CCN2: variants seen among roughly 807,000 people sequenced by gnomAD.
CCN2 encodes the protein cellular communication network factor 2.
Under a neutral mutation model 33.2 loss-of-function variants are expected in CCN2, and 22 were observed. The observed-to-expected ratio is 0.66, with a 90% confidence interval of 0.47 to 0.95. The LOEUF is 0.95. Among genes scored for constraint, CCN2 ranks in the 40% least tolerant of loss-of-function variants. The pLI, the probability that CCN2 is intolerant of heterozygous loss-of-function variation, is 0.00. For synonymous variants in CCN2, 178 were observed against 200.6 expected (o/e 0.89, Z 0.95); for missense variants, 469 against 498.8 (o/e 0.94, Z 0.57).
Position 131,949,238 on chromosome 6 carries a change from G to A in CCN2, c.*26C>T, listed in dbSNP as rs760277592. 2 of 1,590,692 alleles carry A rather than the reference G, an allele frequency of 1.3e-6. No individual in the cohort carries two copies. Among genetic ancestry groups the A allele is most frequent in the Non-Finnish European group, 8.6e-7 (1 of 1,159,754 alleles). On this transcript the variant is annotated 3_prime_UTR_variant, in exon 5 of 5. Coordinates refer to ENST00000367976, the MANE Select transcript of CCN2 (RefSeq NM_001901.4). ...GAATCAGTTCAAGTTCCAGTCTAAT[G>A]AGTTAATGTCTCTCACTCTCTGGCT...
At position 131,948,591 on chromosome 6, in the gene CCN2, A is replaced by C. The variant is rs559237638; in HGVS notation, c.*673T>G. 1 of 152,678 alleles carries C rather than the reference A, an allele frequency of 6.5e-6. No individual in the cohort carries two copies. The highest frequency in any genetic ancestry group is 1.9e-4 in the East Asian group (1 of 5,180). 9.5% of individuals were successfully genotyped at this position (152,678 alleles called of 1,614,324 possible). A position where few individuals can be genotyped will look rare whatever the true frequency, so the allele number is the denominator to read the frequency against. ...CAAAGCATTAAAAACAAAAATAAAA[A>C]GGCACAAACAACTTTAAATTAACTT... On this transcript the variant is annotated 3_prime_UTR_variant, in exon 5 of 5. Coordinates refer to ENST00000367976, the MANE Select transcript of CCN2 (RefSeq NM_001901.4).
At chr6:131,951,042 TC>T in intron 1 of CCN2, 50 bp from the exon 2 acceptor site, 1 of 1,259,202 alleles carries the variant, frequency 7.9e-7, no homozygotes, top group Non-Finnish European at 9.9e-7. Flanking sequence ...GCGCACGCCC[TC>T]CCCGGCCGGC....
In CCN2 at chr6:131,949,346, C is replaced by T. The variant is rs1410630702; in HGVS notation, c.968G>A (p.Cys323Tyr). The T allele has an allele frequency of 6.2e-7, 1 of 1,614,188 alleles. No homozygotes were observed. Among genetic ancestry groups the T allele is most frequent in the East Asian group, 2.2e-5 (1 of 44,882 alleles). Residue 323 changes from cysteine to tyrosine, a missense_variant, in exon 5 of 5, where the codon TGT (cysteine) becomes TAT (tyrosine). Physicochemically the swap from Cys to Tyr is radical, Grantham distance 194 (BLOSUM62 -2). Coordinates refer to ENST00000367976, the MANE Select transcript of CCN2 (RefSeq NM_001901.4). The stretch of plus-strand genomic sequence containing the variant: ...TCCGGGACAGTTGTAATGGCAGGCA[C>T]AGGTCTTGATGAACATCATGTTCTT... Reference protein sequence around the residue: ...MKKNMMFIKTCACHYNCPGDN... With the variant: ...MKKNMMFIKTYACHYNCPGDN...
rs368503834 is a variant in CCN2, at chr6:131,949,239, A to G, written c.*25T>C. On this transcript the variant is annotated 3_prime_UTR_variant, in exon 5 of 5. Transcript: ENST00000367976. ...AATCAGTTCAAGTTCCAGTCTAATG[A>G]GTTAATGTCTCTCACTCTCTGGCTT... 187 of 1,592,670 alleles carry G rather than the reference A, an allele frequency of 1.2e-4. No homozygotes were observed. Among genetic ancestry groups the G allele is most frequent in the Non-Finnish European group, 1.5e-4 (180 of 1,161,632 alleles).
chr6:131,950,695 T>C lies in CCN2; in HGVS notation c.289+75A>G. On this transcript the variant is annotated intron_variant, in intron 2 of 4. Transcript: ENST00000367976. This position sits in a 1 kb window ranked among gnomAD's most constrained non-coding sequence, Gnocchi z 7.1. ...GAGAAAGAAACTCAGTCCGAGCGGTTTCTTTTTCCAGCGGGCGGGTGGGCG... is the reference window on the plus strand; with the variant it reads ...GAGAAAGAAACTCAGTCCGAGCGGTCTCTTTTTCCAGCGGGCGGGTGGGCG... The C allele has an allele frequency of 6.7e-7, 1 of 1,485,112 alleles. No homozygotes were observed. Among genetic ancestry groups the C allele is most frequent in the Non-Finnish European group, 9.0e-7 (1 of 1,108,994 alleles). 92.0% of individuals were successfully genotyped at this position (1,485,112 alleles called of 1,614,324 possible). A position where few individuals can be genotyped will look rare whatever the true frequency, so the allele number is the denominator to read the frequency against.
Position 131,951,322 on chromosome 6 carries a change from A to G in CCN2, c.-150T>C. ...GCCGGGGCGGCTGCCGTCGAGCTGG[A>G]GGGTGGAGTCGCACTGGCTGTCTCC... On this transcript the variant is annotated 5_prime_UTR_variant, in exon 1 of 5. Coordinates refer to ENST00000367976, the MANE Select transcript of CCN2 (RefSeq NM_001901.4). 1 of 578,406 alleles carries G rather than the reference A, an allele frequency of 1.7e-6. No individual in the cohort carries two copies. Among genetic ancestry groups the G allele is most frequent in the Non-Finnish European group, 2.5e-6 (1 of 397,910 alleles). The allele number at this position is 578,406 out of a possible 1,614,324, so 35.8% of individuals were successfully genotyped here.
At position 131,950,375 on chromosome 6, in the gene CCN2, C is replaced by T. The variant is rs756468635; in HGVS notation, c.458G>A (p.Arg153Lys). The change falls in exon 3 of 5, where the codon AGG (arginine) becomes AAG (lysine). Residue 153 changes from arginine to lysine, a missense_variant. By Grantham distance (26) the Arg-to-Lys change is conservative. Coordinates refer to ENST00000367976, the MANE Select transcript of CCN2 (RefSeq NM_001901.4). This position sits in a 1 kb window ranked among gnomAD's most constrained non-coding sequence, Gnocchi z 7.1. ...GCAGCATTTCCCGGGCAGCTTGACC[C>T]TCCTCGGGAAGGGGCAGTCAGGGCT... The part of the protein sequence containing the change: ...LPSPDCPFPR[R>K]VKLPGKCCEE... 9 of 1,614,142 alleles carry T rather than the reference C, an allele frequency of 5.6e-6. 1 individual carries two copies. The South Asian group carries it at 9.9e-5, about 18-fold the overall frequency.
In CCN2 at chr6:131,949,290, T is replaced by A; in HGVS notation, c.1024A>T (p.Arg342Trp). Residue 342 changes from arginine (R) to tryptophan (W), a missense_variant, in exon 5 of 5, where the codon AGG (arginine) becomes TGG (tryptophan). Coordinates refer to ENST00000367976, the MANE Select transcript of CCN2 (RefSeq NM_001901.4). Reference protein sequence around the residue: ...DNDIFESLYYRKMYGDMA With the variant: ...DNDIFESLYYWKMYGDMA ...CATGCCATGTCTCCGTACATCTTCC[T>A]GTAGTACAGCGATTCAAAGATGTCA... is the stretch of plus-strand genomic sequence containing the variant. 1 of 1,614,168 alleles carries A rather than the reference T, an allele frequency of 6.2e-7. No individual in the cohort carries two copies. Among genetic ancestry groups the A allele is most frequent in the Non-Finnish European group, 8.5e-7 (1 of 1,180,006 alleles).
Position 131,951,045 on chromosome 6 carries a change from C to T in CCN2, c.67-53G>A, listed in dbSNP as rs1018849685. The T allele has an allele frequency of 1.0e-5, 13 of 1,261,026 alleles. No individual in the cohort carries two copies. In the African/African-American group the frequency reaches 1.4e-4, roughly 14 times the overall value. The allele number at this position is 1,261,026 out of a possible 1,614,324, so 78.1% of individuals were successfully genotyped here. A position where few individuals can be genotyped will look rare whatever the true frequency, so the allele number is the denominator to read the frequency against. On this transcript the variant is annotated intron_variant, in intron 1 of 4. Coordinates refer to ENST00000367976, the MANE Select transcript of CCN2 (RefSeq NM_001901.4). ...CGCTCGGTCGGCGCGCACGCCCTCC[C>T]CGGCCGGCCCCGAGTCCCTCCCTGG...
At chr6:131,949,765 G>A (rs183773569) in intron 4 of CCN2, among the ~76,000 whole-genome samples, 184 bp downstream of exon 4, 4 of 152,290 alleles carry the variant, frequency 2.6e-5, no homozygotes, top group Non-Finnish European at 5.9e-5. Flanking sequence ...TAACCCTGTG[G>A]AAGATTTCGT....
Position 131,950,091 on chromosome 6 carries a change from G to A in CCN2, c.611C>T (p.Thr204Ile). 1 of 1,614,258 alleles carries A rather than the reference G, an allele frequency of 6.2e-7. No individual in the cohort carries two copies. The highest frequency in any genetic ancestry group is 8.5e-7 in the Non-Finnish European group (1 of 1,180,050). ...GGTCTTGGAACAGGCGCTCCACTCT[G>A]TGGTCTGGACCAGGCAGTTGGCTCT... ...MIRANCLVQT[T>I]EWSACSKTCG... Residue 204 changes from threonine (T) to isoleucine (I), a missense_variant, in exon 4 of 5, where the codon ACA (threonine) becomes ATA (isoleucine). Thr to Ile is a moderately conservative substitution (Grantham distance 89, BLOSUM62 -1). Transcript: ENST00000367976. This position sits in a 1 kb window ranked among gnomAD's most constrained non-coding sequence, Gnocchi z 7.1.
Position 131,950,111 on chromosome 6 carries a change from G to A in CCN2, c.591C>T (p.Ala197=). The A allele has an allele frequency of 2.5e-6, 4 of 1,614,236 alleles. No homozygotes were observed. In the South Asian group the frequency reaches 4.4e-5, roughly 18 times the overall value. ...TFGPDPTMIR[A]NCLVQTTEWS... Reference sequence around the variant, plus strand: ...ACTCTGTGGTCTGGACCAGGCAGTTGGCTCTAATCATAGTTGGGTCTGGGC... The same window carrying A: ...ACTCTGTGGTCTGGACCAGGCAGTTAGCTCTAATCATAGTTGGGTCTGGGC... Residue 197 remains alanine (A), a synonymous_variant, in exon 4 of 5, where the codon GCC becomes GCT. Transcript: ENST00000367976. The surrounding 1 kb of genome is among the most constrained non-coding windows in gnomAD (Gnocchi z 7.1).
intron 4 of CCN2, 42 bp downstream of exon 4, chr6:131,949,907 G>T: frequency 6.3e-7 from 1 of 1,593,542 alleles, no homozygotes; most frequent in Non-Finnish European, 8.6e-7. Flanking sequence ...CCTATCCACT[G>T]TTTTTCCTGT....
At position 131,950,935 on chromosome 6, in the gene CCN2, G is replaced by A. The variant is rs13212409; in HGVS notation, c.124C>T (p.Arg42Cys). The A allele has an allele frequency of 7.0e-7, 1 of 1,434,734 alleles. No homozygotes were observed. Among genetic ancestry groups the A allele is most frequent in the Non-Finnish European group, 9.0e-7 (1 of 1,105,088 alleles). 88.9% of individuals were successfully genotyped at this position (1,434,734 alleles called of 1,614,324 possible). Residue 42 changes from arginine to cysteine, a missense_variant, in exon 2 of 5, where the codon CGC becomes TGC. Coordinates refer to ENST00000367976, the MANE Select transcript of CCN2 (RefSeq NM_001901.4). The surrounding 1 kb of genome is among the most constrained non-coding windows in gnomAD (Gnocchi z 7.1). ...PCRCPDEPAP[R>C]CPAGVSLVLD... is the part of the protein sequence containing the mutation. ...ACGAGGCTCACGCCCGCCGGGCAGC[G>A]CGGCGCCGGCTCGTCCGGGCACCGG...
chr6:131,950,158 A>C lies in CCN2; in HGVS notation c.544T>G (p.Tyr182Asp). The change falls in exon 4 of 5, where the codon TAC becomes GAC. Residue 182 changes from tyrosine (Y) to aspartate (D), a missense_variant and splice_region_variant. Tyr to Asp is a radical substitution (Grantham distance 160, BLOSUM62 -3). Transcript: ENST00000367976. This position sits in a 1 kb window ranked among gnomAD's most constrained non-coding sequence, Gnocchi z 7.1. ...GGGCCAAACGTGTCTTCCAGTCGGT[A>C]AGCTGCGAGAGCAGAGCACACAAAC... is the stretch of plus-strand genomic sequence containing the variant. ...QTVVGPALAA[Y>D]RLEDTFGPDP... The C allele has an allele frequency of 6.2e-7, 1 of 1,614,234 alleles. No homozygotes were observed. Among genetic ancestry groups the C allele is most frequent in the Non-Finnish European group, 8.5e-7 (1 of 1,180,046 alleles).
Position 131,951,325 on chromosome 6 carries a change from G to C in CCN2, c.-153C>G. ...GGGGCGGCTGCCGTCGAGCTGGAGG[G>C]TGGAGTCGCACTGGCTGTCTCCTCT... is the stretch of plus-strand genomic sequence containing the variant. On this transcript the variant is annotated 5_prime_UTR_variant, in exon 1 of 5. Coordinates refer to ENST00000367976, the MANE Select transcript of CCN2 (RefSeq NM_001901.4). 3.6e-6 allele frequency: 2 copies of C among 558,636 alleles called. No individual in the cohort carries two copies. Among genetic ancestry groups the C allele is most frequent in the Non-Finnish European group, 5.3e-6 (2 of 379,286 alleles). The allele number at this position is 558,636 out of a possible 1,614,324, so 34.6% of individuals were successfully genotyped here.
Position 131,949,990 on chromosome 6 carries a change from T to G in CCN2, c.712A>C (p.Met238Leu). 1.2e-6 allele frequency: 2 copies of G among 1,614,234 alleles called. No individual in the cohort carries two copies. The highest frequency in any genetic ancestry group is 1.7e-6 in the Non-Finnish European group (2 of 1,180,032). The change falls in exon 4 of 5, where the codon ATG becomes CTG. Residue 238 changes from methionine (M) to leucine (L), a missense_variant. Coordinates refer to ENST00000367976, the MANE Select transcript of CCN2 (RefSeq NM_001901.4). ...AGGTCAGCTTCGCAAGGCCTGACCA[T>G]GCACAGGCGGCTCTGCTTCTCTAGC... is the stretch of plus-strand genomic sequence containing the variant. ...CRLEKQSRLC[M>L]VRPCEADLEE...
chr6:131,949,868 A>G, intron 4 of CCN2, 81 bp downstream of exon 4: 1 of 1,363,166 alleles, frequency 7.3e-7, no homozygotes, highest in Non-Finnish European at 1.0e-6. Context: ...GCTTATACTA[A>G]CAAGCGTGGC....
At position 131,950,906 on chromosome 6, in the gene CCN2, C is replaced by A; in HGVS notation, c.153G>T (p.Leu51=). The change falls in exon 2 of 5, where the codon CTG becomes CTT. Residue 51 remains leucine (L), a synonymous_variant. Coordinates refer to ENST00000367976, the MANE Select transcript of CCN2 (RefSeq NM_001901.4). The surrounding 1 kb of genome is among the most constrained non-coding windows in gnomAD (Gnocchi z 7.1). ...AGACGCGGCAGCAGCCGCAGCCGTC[C>A]AGCACGAGGCTCACGCCCGCCGGGC... The part of the protein sequence containing the change: ...PRCPAGVSLV[L]DGCGCCRVCA... The A allele has an allele frequency of 3.3e-6, 5 of 1,504,618 alleles. No homozygotes were observed. The highest frequency in any genetic ancestry group is 4.4e-6 in the Non-Finnish European group (5 of 1,135,406). 93.2% of individuals were successfully genotyped at this position (1,504,618 alleles called of 1,614,324 possible). A position where few individuals can be genotyped will look rare whatever the true frequency, so the allele number is the denominator to read the frequency against.
Sources: allele counts gnomAD v4.1 joint callset (sites outside exome capture counted in the v4.1 genomes callset), GRCh38; gene constraint gnomAD v4.1.1; non-coding constraint Gnocchi (gnomAD v3.1); transcripts MANE v1.5; gene names NCBI Gene and HGNC (gene_info 2026-07-23, HGNC 2026-07-21).